ETV6: variants seen among roughly 807,000 people sequenced by gnomAD.
The protein encoded by ETV6 is ETS variant transcription factor 6.
Under a neutral mutation model 51.1 loss-of-function variants are expected in ETV6, and 16 were observed. That is an observed-to-expected ratio of 0.31 (90% confidence interval 0.21 to 0.48). ETV6 has a LOEUF of 0.48. ETV6 is among the 20% of genes least tolerant of loss of function. The pLI is 0.99. For synonymous variants in ETV6, 240 were observed against 224.1 expected (o/e 1.07, Z -0.64); for missense variants, 458 against 594.8 (o/e 0.77, Z 2.39).
intron 2 of ETV6, among the ~76,000 whole-genome samples, chr12:11,770,100 A>G (rs572903204): frequency 1.3e-5 from 2 of 152,262 alleles, no homozygotes; most frequent in South Asian, 2.1e-4. Context: ...TTTGAGTTAT[A>G]TCATCTTCTT....
At chr12:11,668,273 A>T (rs1211496192) in intron 1 of ETV6, among the ~76,000 whole-genome samples, 3 of 152,228 alleles carry the variant, frequency 2.0e-5, no homozygotes, top group African/African-American at 4.8e-5. Context: ...ATAAGAATGC[A>T]ATAACAAGTG....
chr12:11,830,992 G>A (rs1218299639), intron 2 of ETV6, among the ~76,000 whole-genome samples: 1 of 152,218 alleles, frequency 6.6e-6, no homozygotes, highest in Non-Finnish European at 1.5e-5. Flanking sequence ...TTTTTAAAAT[G>A]TAGGGAAAAG....
intron 2 of ETV6, among the ~76,000 whole-genome samples, chr12:11,794,389 T>A (rs1394199700): frequency 6.6e-6 from 1 of 152,224 alleles, no homozygotes; most frequent in Non-Finnish European, 1.5e-5. Flanking sequence ...TCAGTTCAGC[T>A]GCTTGGGCAC....
chr12:11,757,479 A>C (rs1170311000), intron 2 of ETV6, among the ~76,000 whole-genome samples: 1 of 151,874 alleles, frequency 6.6e-6, no homozygotes, highest in Admixed American at 6.6e-5. Flanking sequence ...TTATTATTTT[A>C]TATTTTTATA....
chr12:11,747,556 C>G (rs1865930310), intron 1 of ETV6, among the ~76,000 whole-genome samples: 1 of 152,186 alleles, frequency 6.6e-6, no homozygotes, highest in Non-Finnish European at 1.5e-5. Context: ...AAATGTTACT[C>G]TCTGTGGCTG....
intron 1 of ETV6, among the ~76,000 whole-genome samples, chr12:11,737,019 T>TC (rs933049805): frequency 2.6e-5 from 4 of 152,174 alleles, no homozygotes; most frequent in Admixed American, 1.3e-4. Flanking sequence ...ATGATAACCT[T>TC]CCCCCCTGGG....
chr12:11,697,224 G>C (rs1864893358), intron 1 of ETV6, among the ~76,000 whole-genome samples: 1 of 152,132 alleles, frequency 6.6e-6, no homozygotes, highest in Non-Finnish European at 1.5e-5. Flanking sequence ...GCAGAAACTT[G>C]ATGGGTCCTG....
intron 2 of ETV6, among the ~76,000 whole-genome samples, chr12:11,825,897 G>A (rs1317526536): frequency 2.0e-5 from 3 of 148,324 alleles, no homozygotes; most frequent in African/African-American, 5.0e-5. Flanking sequence ...GAGTGCAGTG[G>A]TATAATCATA....
intron 2 of ETV6, among the ~76,000 whole-genome samples, chr12:11,785,833 C>T (rs1057340213): frequency 1.3e-5 from 2 of 152,122 alleles, no homozygotes; most frequent in Non-Finnish European, 2.9e-5. Flanking sequence ...TTTTTAGTCA[C>T]GTTGCCTACA....
At chr12:11,721,905 T>A (rs1865396301) in intron 1 of ETV6, among the ~76,000 whole-genome samples, 1 of 152,256 alleles carries the variant, frequency 6.6e-6, no homozygotes, top group Non-Finnish European at 1.5e-5. Context: ...AGTCAGCTGT[T>A]AAAATGCTGT....
chr12:11,656,488 T>C (rs1864001543), intron 1 of ETV6, among the ~76,000 whole-genome samples: 1 of 152,226 alleles, frequency 6.6e-6, no homozygotes, highest in Non-Finnish European at 1.5e-5. Context: ...CTTCTGAAGA[T>C]GGGTCTTCCT....
rs771151976 is a variant in ETV6, at chr12:11,848,403, A to AC, written c.329-5018dup. ...AAATTAAGTAACTTAAATAAATTTA[A>AC]CCCCCCTCAACAGCATCTTGCATGT... On this transcript the variant is annotated intron_variant, in intron 3 of 7. Coordinates refer to ENST00000396373, the MANE Select transcript of ETV6 (RefSeq NM_001987.5). Among the ~76,000 whole-genome samples, 5 of 152,200 alleles carry AC rather than the reference A, an allele frequency of 3.3e-5. No homozygotes were observed. In the East Asian group the frequency reaches 7.7e-4, roughly 24 times the overall value.
intron 1 of ETV6, among the ~76,000 whole-genome samples, chr12:11,696,759 T>A (rs1349511296): frequency 6.6e-6 from 1 of 152,132 alleles, no homozygotes; most frequent in African/African-American, 2.4e-5. Flanking sequence ...GAGGTTGCAG[T>A]GAGCTGAGAT....
chr12:11,709,306 T>A (rs980092597), intron 1 of ETV6, among the ~76,000 whole-genome samples: 2 of 152,170 alleles, frequency 1.3e-5, no homozygotes, highest in Admixed American at 1.3e-4. Flanking sequence ...TTCCGTTCCT[T>A]TTTTTCTTTT....
rs985887139 is a variant in ETV6, at chr12:11,850,561, AGTG to A, written c.329-2857_329-2855del. Among the ~76,000 whole-genome samples, 1,035 of 126,026 alleles carry A rather than the reference AGTG, an allele frequency of 8.2e-3. 13 individuals are homozygous for A. Among genetic ancestry groups the A allele is most frequent in the African/African-American group, 0.025 (982 of 39,642 alleles). The allele number at this position is 126,026 out of a possible 152,430, so 82.7% of individuals were successfully genotyped here. ...TGGGAGTGTTTGTGGTGGTGGTGGT[AGTG>A]GTGGTGGTAGTAAAATCAATGACTA... On this transcript the variant is annotated intron_variant, in intron 3 of 7. Coordinates refer to ENST00000396373, the MANE Select transcript of ETV6 (RefSeq NM_001987.5).
At chr12:11,652,407 G>A (rs1037217444) in intron 1 of ETV6, among the ~76,000 whole-genome samples, 2 of 152,154 alleles carry the variant, frequency 1.3e-5, no homozygotes, top group Admixed American at 1.3e-4. Context: ...GATGTGGTAC[G>A]GTGACTGCAT....
chr12:11,663,644 G>A (rs539292669), intron 1 of ETV6, among the ~76,000 whole-genome samples: 1 of 152,302 alleles, frequency 6.6e-6, no homozygotes, highest in East Asian at 1.9e-4. Context: ...AGCAATGTGA[G>A]GGGCTGTTAG....
chr12:11,737,810 A>G (rs1236041592), intron 1 of ETV6, among the ~76,000 whole-genome samples: 1 of 152,200 alleles, frequency 6.6e-6, no homozygotes, highest in African/African-American at 2.4e-5. Flanking sequence ...CAGTCAGTCA[A>G]CGCAGTTTTC....
chr12:11,698,460 T>C (rs1252461438), intron 1 of ETV6, among the ~76,000 whole-genome samples: 1 of 152,216 alleles, frequency 6.6e-6, no homozygotes, highest in African/African-American at 2.4e-5. Context: ...AAGAACCCAC[T>C]TTGTTAGCAG....
Sources: gnomAD v4.1 joint callset for allele counts (sites outside exome capture counted in the v4.1 genomes callset) on GRCh38, gnomAD v4.1.1 for gene constraint, MANE v1.5 for transcripts, NCBI Gene and HGNC (gene_info 2026-07-23, HGNC 2026-07-21) for gene names.